URAD: variants seen among roughly 807,000 people sequenced by gnomAD.
The protein encoded by URAD is putative 2-oxo-4-hydroxy-4-carboxy-5-ureidoimidazoline decarboxylase.
Under a neutral mutation model 4.6 loss-of-function variants are expected in URAD, and 4 were observed. That is an observed-to-expected ratio of 0.87 (90% CI 0.43 to 1.98). The LOEUF is 1.98. Ranked by LOEUF, URAD falls within the 30% of genes most tolerant of loss-of-function variation. The probability of loss-of-function intolerance (pLI) is 0.03; values close to 1 mark genes in which losing one functional copy is unlikely to be tolerated. For synonymous variants in URAD, 144 were observed against 118.2 expected, an observed-to-expected ratio of 1.22 and a Z score of -1.41; for missense variants, 300 against 255.3, an observed-to-expected ratio of 1.18 and a Z score of -1.19.
intron 1 of URAD, among the ~76,000 whole-genome samples, chr13:27,984,515 T>C (rs1448705017): frequency 6.6e-6 from 1 of 152,230 alleles, no homozygotes; most frequent in Non-Finnish European, 1.5e-5. Flanking sequence ...AACCCAGTTT[T>C]GTTTTCTGTT....
chr13:27,986,563 C>A (rs1870033759), intron 1 of URAD, among the ~76,000 whole-genome samples: 1 of 152,086 alleles, frequency 6.6e-6, no homozygotes, highest in Non-Finnish European at 1.5e-5. Flanking sequence ...AGTAAGAAAG[C>A]CCCCAAAACG....
chr13:27,983,520 C>T (rs1257378527), intron 1 of URAD, among the ~76,000 whole-genome samples: 4 of 152,084 alleles, frequency 2.6e-5, no homozygotes, highest in Non-Finnish European at 4.4e-5. Flanking sequence ...TGAGCCACCA[C>T]GCCCAGCCAG....
At chr13:27,981,712 T>C (rs541403632) in intron 1 of URAD, among the ~76,000 whole-genome samples, 3 of 152,308 alleles carry the variant, frequency 2.0e-5, no homozygotes, top group African/African-American at 4.8e-5. Flanking sequence ...AATCTTCCTA[T>C]GGAAGGCCAA....
chr13:27,983,070 T>C (rs537774712), intron 1 of URAD, among the ~76,000 whole-genome samples: 8 of 152,228 alleles, frequency 5.3e-5, no homozygotes, highest in African/African-American at 1.7e-4. Context: ...CCATTGCACA[T>C]GGAGAAGCAA....
chr13:27,985,021 CAAAT>C (rs1208043888), intron 1 of URAD, among the ~76,000 whole-genome samples: 2 of 152,106 alleles, frequency 1.3e-5, no homozygotes, highest in Admixed American at 6.6e-5. Context: ...GATTTTTTGA[CAAAT>C]AAAAATTATA....
intron 1 of URAD, among the ~76,000 whole-genome samples, chr13:27,979,542 C>T (rs1442043426): frequency 1.3e-5 from 2 of 152,176 alleles, no homozygotes; most frequent in Non-Finnish European, 2.9e-5. Flanking sequence ...TCGCCTAATA[C>T]CTAGTAAACA....
intron 1 of URAD, among the ~76,000 whole-genome samples, chr13:27,984,589 G>C (rs1286102915): frequency 6.6e-6 from 1 of 152,184 alleles, no homozygotes; most frequent in East Asian, 1.9e-4. Context: ...ACTGTAACTT[G>C]AACGTCTCTC....
chr13:27,982,446 C>T (rs184405327), intron 1 of URAD, among the ~76,000 whole-genome samples: 4 of 152,216 alleles, frequency 2.6e-5, no homozygotes, highest in Admixed American at 6.5e-5. Flanking sequence ...CACTTACCTT[C>T]AGAGACATCC....
At chr13:27,981,028 C>CTCTCTCT (rs149754765) in intron 1 of URAD, among the ~76,000 whole-genome samples, 3 of 117,132 alleles carry the variant, frequency 2.6e-5, no homozygotes, top group Non-Finnish European at 5.7e-5. Context: ...CTCTCTCTCT[C>CTCTCTCT]CTCTCTCTCT....
chr13:27,987,892 T>TGATAGATAGATGATAGATAGATA (rs1555247010), intron 1 of URAD, among the ~76,000 whole-genome samples: 1 of 150,080 alleles, frequency 6.7e-6, no homozygotes, highest in Non-Finnish European at 1.5e-5. Context: ...AATAGATAGA[T>TGATAGATAGATGATAGATAGATA]GATAGATAGA....
Position 27,988,652 on chromosome 13 carries a change from T to A in URAD, c.-15A>T. The A allele has an allele frequency of 6.3e-7, 1 of 1,575,830 alleles. No individual in the cohort carries two copies. The highest frequency in any genetic ancestry group is 2.3e-5 in the East Asian group (1 of 43,670). ...TCAATGTCCATTCCTTGTATTCCAC[T>A]GGAGACAGCGGGACGTCCAGCTCCC... is the stretch of plus-strand genomic sequence containing the variant. On this transcript the variant is annotated 5_prime_UTR_variant, in exon 1 of 2. Transcript: ENST00000332715.
intron 1 of URAD, among the ~76,000 whole-genome samples, 167 bp from the exon 2 acceptor site, chr13:27,978,619 C>A (rs1187384998): frequency 6.6e-6 from 1 of 152,230 alleles, no homozygotes; most frequent in Non-Finnish European, 1.5e-5. Context: ...GCGGTGATGT[C>A]CTGGCGGAAC....
chr13:27,978,111 G>A lies in URAD; in HGVS notation c.517C>T (p.Leu173=). 6.6e-7 allele frequency: 1 copy of A among 1,512,030 alleles called. No individual in the cohort carries two copies. The highest frequency in any genetic ancestry group is 8.7e-7 in the Non-Finnish European group (1 of 1,144,280). The allele number at this position is 1,512,030 out of a possible 1,614,324, so 93.7% of individuals were successfully genotyped here. A position where few individuals can be genotyped will look rare whatever the true frequency, so the allele number is the denominator to read the frequency against. Residue 173 remains leucine (L), a synonymous_variant, in exon 2 of 2, where the codon CTG becomes TTG. Coordinates refer to ENST00000332715, the MANE Select transcript of URAD (RefSeq NM_001105577.2). ...GTCCCTGGCCCGCGCGGCAGCTACA[G>A]CTTGGCGGGGTCTGCGCGGAGGAGG... ...ADLLRADPAK[L]
chr13:27,987,892 T>TGATAGATA (rs6144971), intron 1 of URAD, among the ~76,000 whole-genome samples: 22,415 of 150,002 alleles, frequency 0.15, 1,790 homozygotes, highest in East Asian at 0.27. Flanking sequence ...AATAGATAGA[T>TGATAGATA]GATAGATAGA....
Position 27,988,565 on chromosome 13 carries a change from A to T in URAD, c.73T>A (p.Cys25Ser), listed in dbSNP as rs768786975. 1 of 1,613,958 alleles carries T rather than the reference A, an allele frequency of 6.2e-7. No homozygotes were observed. Among genetic ancestry groups the T allele is most frequent in the South Asian group, 1.1e-5 (1 of 91,070 alleles). Residue 25 changes from cysteine to serine, a missense_variant, in exon 1 of 2, where the codon TGT becomes AGT. Cys to Ser is a moderately radical substitution (Grantham distance 112, BLOSUM62 -1). Coordinates refer to ENST00000332715, the MANE Select transcript of URAD (RefSeq NM_001105577.2). ...CAAACAGCAGCTGCAATCAGAGGAC[A>T]TCTCTCAGTGGCATTCCCAAACACA... ...VDVFGNATER[C>S]PLIAAAVWSQ...
Position 27,988,505 on chromosome 13 carries a change from C to T in URAD, c.133G>A (p.Glu45Lys). ...QRPFSDLEDL[E>K]KHFFAFIDAL... ...TCAATAAAGGCAAAAAAGTGCTTCT[C>T]TAAATCTTCCAAATCAGAGAATGGC... The change falls in exon 1 of 2, where the codon GAG becomes AAG. Residue 45 changes from glutamate (E) to lysine (K), a missense_variant. By Grantham distance (56) the Glu-to-Lys change is moderately conservative. Coordinates refer to ENST00000332715, the MANE Select transcript of URAD (RefSeq NM_001105577.2). 6.2e-7 allele frequency: 1 copy of T among 1,613,710 alleles called. No homozygotes were observed. Among genetic ancestry groups the T allele is most frequent in the Non-Finnish European group, 8.5e-7 (1 of 1,179,726 alleles).
chr13:27,988,479 A>T lies in URAD; in HGVS notation c.159T>A (p.Asp53Glu). 1 of 1,611,752 alleles carries T rather than the reference A, an allele frequency of 6.2e-7. No individual in the cohort carries two copies. The highest frequency in any genetic ancestry group is 8.5e-7 in the Non-Finnish European group (1 of 1,178,766). Residue 53 changes from aspartate (D) to glutamate (E), a missense_variant, in exon 1 of 2, where the codon GAT becomes GAA. Physicochemically the swap from Asp to Glu is conservative, Grantham distance 45. Coordinates refer to ENST00000332715, the MANE Select transcript of URAD (RefSeq NM_001105577.2). ...DLEKHFFAFIDALAQSGQEGI... is the reference protein window; with the variant it reads ...DLEKHFFAFIEALAQSGQEGI... Reference sequence around the variant, plus strand: ...AAGCCTTACCTGACTGTGCAAGGGCATCAATAAAGGCAAAAAAGTGCTTCT... The same window carrying T: ...AAGCCTTACCTGACTGTGCAAGGGCTTCAATAAAGGCAAAAAAGTGCTTCT...
intron 1 of URAD, among the ~76,000 whole-genome samples, chr13:27,981,652 G>T (rs1869881291): frequency 6.6e-6 from 1 of 152,112 alleles, no homozygotes; most frequent in Admixed American, 6.6e-5. Context: ...CTGCCTCCTG[G>T]TCCATACCCA....
chr13:27,980,747 G>A (rs1459989398), intron 1 of URAD, among the ~76,000 whole-genome samples: 3 of 152,168 alleles, frequency 2.0e-5, no homozygotes, highest in African/African-American at 7.2e-5. Context: ...AGCAGAGGGA[G>A]GCGGCGGCGG....
Sources: allele counts gnomAD v4.1 joint callset (sites outside exome capture counted in the v4.1 genomes callset), GRCh38; gene constraint gnomAD v4.1.1; transcripts MANE v1.5; gene names NCBI Gene and HGNC (gene_info 2026-07-23, HGNC 2026-07-21).